Variants in DPF3 observed in about 807,000 individuals in gnomAD.
DPF3 encodes the protein double PHD fingers 3, also known as zinc finger protein DPF3.
A neutral mutation model predicts 56.8 loss-of-function variants in DPF3; 18 were observed. That is an observed-to-expected ratio of 0.32 (90% confidence interval 0.22 to 0.47). DPF3 has a LOEUF of 0.47. Ranked by LOEUF, DPF3 falls within the 20% of genes least tolerant of loss-of-function variation. The probability of loss-of-function intolerance (pLI) is 1.00; values close to 1 mark genes in which losing one functional copy is unlikely to be tolerated. For synonymous variants in DPF3, 188 were observed against 180.2 expected (o/e 1.04, Z -0.35); for missense variants, 403 against 488.8 (o/e 0.82, Z 1.65).
At chr14:72,783,597 A>C (rs1468030534) in intron 1 of DPF3, among the ~76,000 whole-genome samples, 1 of 152,158 alleles carries the variant, frequency 6.6e-6, no homozygotes, top group Non-Finnish European at 1.5e-5. Context: ...CACAGTCCAC[A>C]CTCAAATCTT....
At chr14:72,694,750 G>A (rs1887837196) in intron 6 of DPF3, among the ~76,000 whole-genome samples, 1 of 152,170 alleles carries the variant, frequency 6.6e-6, no homozygotes, top group South Asian at 2.1e-4. Context: ...TGGATTTAGT[G>A]TTTCACTGTT....
chr14:72,689,067 G>A (rs949996396), intron 7 of DPF3, among the ~76,000 whole-genome samples: 2 of 152,266 alleles, frequency 1.3e-5, no homozygotes, highest in South Asian at 2.1e-4. Flanking sequence ...AGGAGTGGCA[G>A]TGGATTGCTG....
chr14:72,816,558 A>C (rs1883295111), intron 1 of DPF3, among the ~76,000 whole-genome samples: 1 of 151,966 alleles, frequency 6.6e-6, no homozygotes, highest in Non-Finnish European at 1.5e-5. Context: ...CCCCCCACCT[A>C]GCTGAGCTTC....
intron 1 of DPF3, among the ~76,000 whole-genome samples, chr14:72,793,875 C>A (rs1327488927): frequency 6.6e-6 from 1 of 152,248 alleles, no homozygotes; most frequent in Non-Finnish European, 1.5e-5. Context: ...GCCTTGCTGG[C>A]CAGCTGGGTT....
chr14:72,892,787 G>A, intron 1 of DPF3: 3 of 769,860 alleles, frequency 3.9e-6, no homozygotes, highest in Non-Finnish European at 4.7e-6. Flanking sequence ...CCCGGTCGAA[G>A]GGGTGAGGAC....
At chr14:72,892,133 A>G (rs1276445986) in intron 1 of DPF3, 1 of 1,530,200 alleles carries the variant, frequency 6.5e-7, no homozygotes, top group Admixed American at 2.0e-5. Context: ...CGGCTTTCCC[A>G]GGAGGAAACA....
intron 1 of DPF3, among the ~76,000 whole-genome samples, chr14:72,806,498 T>C (rs1036044085): frequency 4.6e-5 from 7 of 152,232 alleles, no homozygotes; most frequent in African/African-American, 1.7e-4. Context: ...AGCAAAGGGC[T>C]TTCAAAGACT....
At chr14:72,664,349 T>C (rs959960456) in intron 8 of DPF3, among the ~76,000 whole-genome samples, 2 of 152,076 alleles carry the variant, frequency 1.3e-5, no homozygotes, top group Non-Finnish European at 2.9e-5. Context: ...CACACACACA[T>C]GTATTTTTCC....
intron 1 of DPF3, among the ~76,000 whole-genome samples, chr14:72,802,372 T>C (rs1298317228): frequency 6.6e-6 from 1 of 152,194 alleles, no homozygotes; most frequent in Non-Finnish European, 1.5e-5. Flanking sequence ...AGTTTGCTCA[T>C]CTGTCAAGAG....
At chr14:72,721,992 C>T (rs565846407) in intron 5 of DPF3, among the ~76,000 whole-genome samples, 2 of 152,032 alleles carry the variant, frequency 1.3e-5, no homozygotes, top group South Asian at 2.1e-4. Flanking sequence ...CTGTGGAATC[C>T]GGGAGACTTC....
intron 6 of DPF3, among the ~76,000 whole-genome samples, chr14:72,695,178 CCTTTT>C (rs981127841): frequency 2.6e-5 from 4 of 152,264 alleles, no homozygotes; most frequent in East Asian, 1.9e-4. Context: ...CAGCTCTGTG[CCTTTT>C]CTTTTATCTG....
At chr14:72,711,805 T>C (rs937914193) in intron 6 of DPF3, among the ~76,000 whole-genome samples, 3 of 151,946 alleles carry the variant, frequency 2.0e-5, no homozygotes, top group Non-Finnish European at 4.4e-5. Context: ...GCTGGCATCA[T>C]GGAAGAAAGG....
At chr14:72,892,431 T>A in intron 1 of DPF3, 1 of 1,459,018 alleles carries the variant, frequency 6.9e-7, no homozygotes, top group Non-Finnish European at 9.0e-7. Flanking sequence ...TCCTATCTGA[T>A]CAGCCTCAGC....
chr14:72,774,998 A>G (rs1215604013), intron 1 of DPF3, among the ~76,000 whole-genome samples: 1 of 152,238 alleles, frequency 6.6e-6, no homozygotes, highest in Non-Finnish European at 1.5e-5. Flanking sequence ...GGCCCAGACA[A>G]GATGACCCAG....
At chr14:72,701,248 G>A (rs1421656658) in intron 6 of DPF3, among the ~76,000 whole-genome samples, 2 of 152,162 alleles carry the variant, frequency 1.3e-5, no homozygotes, top group African/African-American at 4.8e-5. Context: ...ACGACCTAAG[G>A]TCCTTCTTTT....
intron 8 of DPF3, among the ~76,000 whole-genome samples, chr14:72,654,304 C>T (rs1009777824): frequency 6.6e-6 from 1 of 152,118 alleles, no homozygotes; most frequent in African/African-American, 2.4e-5. Context: ...CCCACTCTTG[C>T]TCTCAGTGGT....
intron 1 of DPF3, among the ~76,000 whole-genome samples, chr14:72,862,261 T>G (rs898148939): frequency 7.2e-5 from 11 of 152,148 alleles, no homozygotes; most frequent in Non-Finnish European, 1.2e-4. Context: ...CACCTGGAAG[T>G]TGAATTGGCC....
At chr14:72,760,218 C>T (rs1334553446) in intron 2 of DPF3, among the ~76,000 whole-genome samples, 4 of 152,126 alleles carry the variant, frequency 2.6e-5, no homozygotes, top group East Asian at 1.9e-4. Flanking sequence ...TACCTGTAAT[C>T]CCAACAATTT....
At chr14:72,670,428 C>A in intron 8 of DPF3, 2 of 985,892 alleles carry the variant, frequency 2.0e-6, no homozygotes, top group Non-Finnish European at 2.4e-6. Flanking sequence ...GGCATAGGCA[C>A]CCCGACTTCT....
Sources: allele counts gnomAD v4.1 joint callset (sites outside exome capture counted in the v4.1 genomes callset), GRCh38; gene constraint gnomAD v4.1.1; transcripts MANE v1.5; gene names NCBI Gene and HGNC (gene_info 2026-07-23, HGNC 2026-07-21).